The following DHRS12 variants were observed in gnomAD, a reference collection of about 807,000 sequenced individuals.
The protein encoded by DHRS12 is dehydrogenase/reductase 12, also known as dehydrogenase/reductase SDR family member 12.
In DHRS12, 29 loss-of-function variants were observed where a neutral mutation model predicts 32.1. The observed-to-expected ratio is 0.90, with a 90% confidence interval of 0.67 to 1.23. The LOEUF is 1.23. DHRS12 is among the 50% of genes most tolerant of loss of function. The pLI, the probability that DHRS12 is intolerant of heterozygous loss-of-function variation, is 0.00. For missense variants in DHRS12, 330 were observed against 337.2 expected, an observed-to-expected ratio of 0.98 and a Z score of 0.17; for synonymous variants, 150 against 135.9, an observed-to-expected ratio of 1.10 and a Z score of -0.72.
chr13:51,756,127 G>A, the DHRS12 span, among the ~76,000 whole-genome samples: 4 of 152,136 alleles, frequency 2.6e-5, no homozygotes, highest in Non-Finnish European at 5.9e-5. Flanking sequence ...TCCCTGTCAG[G>A]TGTGTTACCC....
intron 6 of DHRS12, chr13:51,772,524 G>A (rs1306352553): frequency 1.3e-5 from 9 of 695,772 alleles, no homozygotes; most frequent in Non-Finnish European, 1.6e-5. Flanking sequence ...TTTTGGAGCT[G>A]TAATCCCAGC....
intron 4 of DHRS12, 40 bp from the exon 5 acceptor site, chr13:51,777,161 A>C (rs749177554): frequency 1.1e-5 from 17 of 1,611,960 alleles, no homozygotes; most frequent in East Asian, 6.7e-5. Flanking sequence ...GGCTGCAGGA[A>C]GCCCCAACTC....
At chr13:51,803,892 G>A in intron 1 of DHRS12, 162 bp downstream of exon 1, 4 of 551,682 alleles carry the variant, frequency 7.3e-6, no homozygotes, top group Non-Finnish European at 1.1e-5. Flanking sequence ...ACGCCCAGCC[G>A]TGGGTCGCTA....
intron 2 of DHRS12, among the ~76,000 whole-genome samples, chr13:51,798,776 AC>A (rs1955621659): frequency 6.6e-6 from 1 of 152,256 alleles, no homozygotes; most frequent in Non-Finnish European, 1.5e-5. Context: ...TAAATTCACA[AC>A]CTAGTTCCCC....
At chr13:51,777,954 C>G (rs557838552) in intron 4 of DHRS12, among the ~76,000 whole-genome samples, 13 of 152,342 alleles carry the variant, frequency 8.5e-5, no homozygotes, top group African/African-American at 2.9e-4. Flanking sequence ...GGAATCAAGT[C>G]AGGGGCTTAA....
the DHRS12 span, chr13:51,755,247 T>C: frequency 1.1e-5 from 11 of 986,236 alleles, no homozygotes; most frequent in Non-Finnish European, 1.7e-5. Context: ...AAATCACACC[T>C]CTGTTTCTTT....
chr13:51,783,202 A>T (rs1257292756), intron 4 of DHRS12, among the ~76,000 whole-genome samples: 1 of 152,142 alleles, frequency 6.6e-6, no homozygotes, highest in Non-Finnish European at 1.5e-5. Flanking sequence ...AGTTTAAACC[A>T]AGAGCCTCGC....
chr13:51,758,585 G>A, the DHRS12 span, among the ~76,000 whole-genome samples: 1 of 151,158 alleles, frequency 6.6e-6, no homozygotes, highest in East Asian at 1.9e-4. Context: ...TACCATTGAA[G>A]GTGAGTGTTT....
At chr13:51,775,812 T>G (rs1954315015) in intron 5 of DHRS12, 1 of 103,164 alleles carries the variant, frequency 9.7e-6, no homozygotes, top group South Asian at 3.7e-4. Flanking sequence ...TTCTCCTACA[T>G]GTATTCTCCT....
At chr13:51,776,997 C>T (rs1663674150) in intron 5 of DHRS12, 63 bp downstream of exon 5, 1 of 1,590,748 alleles carries the variant, frequency 6.3e-7, no homozygotes, top group Non-Finnish European at 8.6e-7. Context: ...AAACCTAGGC[C>T]CACTGACTTC....
At position 51,780,961 on chromosome 13, in the gene DHRS12, G is replaced by C. The variant is rs538409719; in HGVS notation, c.302-3840C>G. ...AGCCACCTTGAATTAAAGCTACTTTGGTTACTAGCCAATGGGTTATGTGCT... is the reference window on the plus strand; with the variant it reads ...AGCCACCTTGAATTAAAGCTACTTTCGTTACTAGCCAATGGGTTATGTGCT... On this transcript the variant is annotated intron_variant, in intron 4 of 8. Coordinates refer to ENST00000444610, the MANE Select transcript of DHRS12 (RefSeq NM_001377533.1). Among the ~76,000 whole-genome samples, 5 of 152,256 alleles carry C rather than the reference G, an allele frequency of 3.3e-5. No homozygotes were observed. The South Asian group carries it at 8.3e-4, about 25-fold the overall frequency.
intron 4 of DHRS12, among the ~76,000 whole-genome samples, chr13:51,779,641 CAGA>C (rs1348154638): frequency 1.3e-5 from 2 of 152,216 alleles, no homozygotes; most frequent in Non-Finnish European, 1.5e-5. Flanking sequence ...CCCAGAGAAG[CAGA>C]AGGTCACCTT....
At chr13:51,771,544 T>A in intron 7 of DHRS12, 1 of 1,608,730 alleles carries the variant, frequency 6.2e-7, no homozygotes. Flanking sequence ...CACCAGGATA[T>A]GCTGTAGTTA....
chr13:51,785,685 A>C (rs1303600401), intron 4 of DHRS12, among the ~76,000 whole-genome samples: 1 of 152,228 alleles, frequency 6.6e-6, no homozygotes, highest in Non-Finnish European at 1.5e-5. Context: ...GGAGACACAC[A>C]GCTGAGCCCA....
chr13:51,795,166 C>T (rs1476307098), intron 2 of DHRS12, among the ~76,000 whole-genome samples: 1 of 152,156 alleles, frequency 6.6e-6, no homozygotes, highest in Non-Finnish European at 1.5e-5. Context: ...GCCTGCCGCA[C>T]ACCTCACCCA....
chr13:51,796,746 A>G (rs978813608), intron 2 of DHRS12, among the ~76,000 whole-genome samples: 2 of 152,124 alleles, frequency 1.3e-5, no homozygotes, highest in African/African-American at 2.4e-5. Context: ...CCAGCTTTCA[A>G]TCTCGAGAAC....
intron 6 of DHRS12, chr13:51,773,094 A>G: frequency 2.1e-5 from 21 of 978,874 alleles, no homozygotes; most frequent in Non-Finnish European, 2.5e-5. Context: ...TCCGGCTTTT[A>G]AATATAGCTG....
In DHRS12 at chr13:51,791,263, T is replaced by C. The variant is rs1593552585; in HGVS notation, c.127-6A>G. On this transcript the variant is annotated splice_region_variant and splice_polypyrimidine_tract_variant and intron_variant, in intron 2 of 8. Coordinates refer to ENST00000444610, the MANE Select transcript of DHRS12 (RefSeq NM_001377533.1). Reference sequence around the variant, plus strand: ...ACAATGTGCAGAAAAATGTTCTAAATTAGAAAGCAAAAAAAAAAAAAACCC... The same window carrying C: ...ACAATGTGCAGAAAAATGTTCTAAACTAGAAAGCAAAAAAAAAAAAAACCC... 7.0e-7 allele frequency: 1 copy of C among 1,422,606 alleles called. No individual in the cohort carries two copies. Among genetic ancestry groups the C allele is most frequent in the African/African-American group, 1.5e-5 (1 of 66,198 alleles). 88.1% of individuals were successfully genotyped at this position (1,422,606 alleles called of 1,614,324 possible).
At chr13:51,799,318 G>C (rs915569259) in intron 2 of DHRS12, among the ~76,000 whole-genome samples, 31 of 152,200 alleles carry the variant, frequency 2.0e-4, no homozygotes, top group Admixed American at 1.9e-3. Context: ...AGGACCCCAA[G>C]CTCGCCTGAG....
Sources: gnomAD v4.1 joint callset for allele counts (sites outside exome capture counted in the v4.1 genomes callset) on GRCh38, gnomAD v4.1.1 for gene constraint, MANE v1.5 for transcripts, NCBI Gene and HGNC (gene_info 2026-07-23, HGNC 2026-07-21) for gene names.